SNX7: variants seen among roughly 807,000 people sequenced by gnomAD.
SNX7 encodes sorting nexin 7.
In SNX7, 35 loss-of-function variants were observed where a neutral mutation model predicts 48.4. The ratio of observed to expected loss-of-function variants is 0.72; its 90% CI spans 0.55 to 0.96. SNX7 has a LOEUF of 0.96. SNX7 is among the 40% of genes least tolerant of loss of function. The pLI is 0.00. For missense variants in SNX7, 553 were observed against 548.9 expected, an observed-to-expected ratio of 1.01 and a Z score of -0.07; for synonymous variants, 190 against 190.2, an observed-to-expected ratio of 1.00 and a Z score of 0.01.
intron 1 of SNX7, 110 bp downstream of exon 1, chr1:98,662,021 CT>C: frequency 1.7e-6 from 2 of 1,147,784 alleles, no homozygotes; most frequent in Middle Eastern, 6.6e-4. Context: ...GGCGGTGGCT[CT>C]GAGCTGGGGA....
intron 7 of SNX7, among the ~76,000 whole-genome samples, chr1:98,714,321 G>A (rs1164579347): frequency 6.6e-6 from 1 of 152,160 alleles, no homozygotes; most frequent in African/African-American, 2.4e-5. Flanking sequence ...CTAATCCTGT[G>A]AGATAGGTAG....
intron 8 of SNX7, among the ~76,000 whole-genome samples, chr1:98,754,813 C>T (rs2101059194): frequency 6.6e-6 from 1 of 151,404 alleles, no homozygotes; most frequent in South Asian, 2.1e-4. Flanking sequence ...TCATTGAGTC[C>T]CACTTTGCTC....
At chr1:98,759,915 T>C in intron 8 of SNX7, 139 bp from the exon 9 acceptor site, 4 of 583,134 alleles carry the variant, frequency 6.9e-6, no homozygotes, top group African/African-American at 5.6e-5. Flanking sequence ...ATGTAGAAAA[T>C]GACAAGGATT....
chr1:98,755,849 G>C (rs1654815295), intron 8 of SNX7, among the ~76,000 whole-genome samples: 2 of 151,848 alleles, frequency 1.3e-5, no homozygotes, highest in Non-Finnish European at 2.9e-5. Flanking sequence ...CAAAGTATAG[G>C]TAGGTCTTGT....
intron 7 of SNX7, among the ~76,000 whole-genome samples, chr1:98,720,589 C>T (rs1278898272): frequency 6.6e-6 from 1 of 152,050 alleles, no homozygotes; most frequent in Non-Finnish European, 1.5e-5. Flanking sequence ...CCATGCTATA[C>T]ATTATGGTAC....
At chr1:98,680,921 T>A (rs1283443322) in intron 1 of SNX7, among the ~76,000 whole-genome samples, 1 of 152,222 alleles carries the variant, frequency 6.6e-6, no homozygotes, top group Admixed American at 6.5e-5. Context: ...TGTTGTCCAA[T>A]TCCAAAGTTG....
At chr1:98,694,319 A>G (rs992685822) in intron 4 of SNX7, among the ~76,000 whole-genome samples, 7 of 148,826 alleles carry the variant, frequency 4.7e-5, no homozygotes, top group South Asian at 4.3e-4. Flanking sequence ...GCAGTGAGCC[A>G]GGATTGTGCC....
intron 7 of SNX7, among the ~76,000 whole-genome samples, chr1:98,735,863 A>G (rs1294909078): frequency 6.6e-6 from 1 of 152,216 alleles, no homozygotes; most frequent in Non-Finnish European, 1.5e-5. Context: ...AGACCAGGCT[A>G]ACCTACTGTC....
chr1:98,679,802 C>T (rs1650378277), intron 1 of SNX7, among the ~76,000 whole-genome samples: 1 of 152,198 alleles, frequency 6.6e-6, no homozygotes, highest in African/African-American at 2.4e-5. Flanking sequence ...AGCTCTGCCC[C>T]TGTGGCTTTG....
intron 1 of SNX7, among the ~76,000 whole-genome samples, chr1:98,673,573 C>T (rs2100916951): frequency 6.6e-6 from 1 of 152,312 alleles, no homozygotes; most frequent in East Asian, 1.9e-4. Context: ...GGAACTCTAC[C>T]AGTCTTGACC....
At chr1:98,681,822 G>A (rs1314701499) in intron 1 of SNX7, among the ~76,000 whole-genome samples, 1 of 152,152 alleles carries the variant, frequency 6.6e-6, no homozygotes, top group African/African-American at 2.4e-5. Context: ...CTAATTTCCC[G>A]ATTCAAATAC....
At chr1:98,719,547 TATTA>T (rs1212494165) in intron 7 of SNX7, among the ~76,000 whole-genome samples, 20 of 152,214 alleles carry the variant, frequency 1.3e-4, no homozygotes, top group Middle Eastern at 3.4e-3. Context: ...ATATTTTCTC[TATTA>T]ATTCTTGATC....
intron 8 of SNX7, among the ~76,000 whole-genome samples, chr1:98,752,988 A>T (rs1654660721): frequency 6.6e-6 from 1 of 152,004 alleles, no homozygotes; most frequent in African/African-American, 2.4e-5. Context: ...ATGGTTCAGG[A>T]CATTGACTAT....
intron 1 of SNX7, among the ~76,000 whole-genome samples, chr1:98,663,267 T>G (rs987449984): frequency 0.054 from 2,911 of 53,724 alleles, 135 homozygotes; most frequent in Admixed American, 0.11. Flanking sequence ...TTTTTTTTTT[T>G]TTTTTTTTTT....
At chr1:98,701,534 A>C (rs770088377) in intron 6 of SNX7, among the ~76,000 whole-genome samples, 20 of 152,030 alleles carry the variant, frequency 1.3e-4, no homozygotes, top group Non-Finnish European at 2.9e-4. Context: ...TGCGTATTCC[A>C]CCAAATGTAG....
At chr1:98,714,479 T>A (rs926432813) in intron 7 of SNX7, among the ~76,000 whole-genome samples, 2 of 111,310 alleles carry the variant, frequency 1.8e-5, no homozygotes, top group African/African-American at 6.1e-5. Context: ...AGTAAAAAAA[T>A]TAAATGAATA....
intron 1 of SNX7, among the ~76,000 whole-genome samples, chr1:98,673,641 TAAATG>T (rs1649997893): frequency 6.6e-6 from 1 of 152,296 alleles, no homozygotes; most frequent in Non-Finnish European, 1.5e-5. Flanking sequence ...GAACATTTGT[TAAATG>T]AAATCAAAAT....
At chr1:98,684,275 G>A (rs1412153660) in intron 1 of SNX7, among the ~76,000 whole-genome samples, 1 of 152,006 alleles carries the variant, frequency 6.6e-6, no homozygotes, top group African/African-American at 2.4e-5. Flanking sequence ...TCTTATTCTT[G>A]CCTGAGTCCA....
At chr1:98,758,154 A>T (rs1459157157) in intron 8 of SNX7, among the ~76,000 whole-genome samples, 1 of 152,068 alleles carries the variant, frequency 6.6e-6, no homozygotes, top group African/African-American at 2.4e-5. Flanking sequence ...AGATTTTTGT[A>T]TGTCTACCCT....
Sources: gnomAD v4.1 joint callset for allele counts (sites outside exome capture counted in the v4.1 genomes callset) on GRCh38, gnomAD v4.1.1 for gene constraint, MANE v1.5 for transcripts, NCBI Gene and HGNC (gene_info 2026-07-23, HGNC 2026-07-21) for gene names.